Variants in GFI1 observed in about 807,000 individuals in gnomAD.
GFI1 encodes the protein zinc finger protein Gfi-1.
A neutral mutation model predicts 39.2 loss-of-function variants in GFI1; 15 were observed. The ratio of observed to expected loss-of-function variants is 0.38; its 90% CI spans 0.26 to 0.59. The LOEUF (loss-of-function observed/expected upper bound fraction) is 0.59, where lower values mean the gene tolerates loss of function less well. GFI1 is among the 20% of genes least tolerant of loss of function. The probability of loss-of-function intolerance (pLI) is 0.62; values close to 1 mark genes in which losing one functional copy is unlikely to be tolerated. For synonymous variants in GFI1, 239 were observed against 254.3 expected (o/e 0.94, Z 0.57); for missense variants, 475 against 574.0 (o/e 0.83, Z 1.76).
chr1:92,480,447 G>C lies in GFI1; in HGVS notation c.825C>G (p.Arg275=). The C allele has an allele frequency of 1.3e-6, 2 of 1,550,358 alleles. No individual in the cohort carries two copies. Among genetic ancestry groups the C allele is most frequent in the Non-Finnish European group, 1.7e-6 (2 of 1,146,648 alleles). ...AGGGTCTGGTACCGCTGTGGGACCT[G>C]CGCACGTGCACCTCGAGCCCGTGCG... ...STPHGLEVHV[R]RSHSGTRPFA... is the part of the protein sequence containing the mutation. The change falls in exon 5 of 7, where the codon CGC becomes CGG. Residue 275 remains arginine, a synonymous_variant. Transcript: ENST00000294702. The surrounding 1 kb of genome is among the most constrained non-coding windows in gnomAD (Gnocchi z 5.6).
At position 92,476,317 on chromosome 1, in the gene GFI1, G is replaced by A. The variant is rs141171648; in HGVS notation, c.1091-110C>T. The A allele has an allele frequency of 3.5e-3, 3,480 of 1,002,638 alleles. 30 individuals carry two copies. Among genetic ancestry groups the A allele is most frequent in the Middle Eastern group, 0.021 (92 of 4,398 alleles). 62.1% of individuals were successfully genotyped at this position (1,002,638 alleles called of 1,614,324 possible). On this transcript the variant is annotated intron_variant, in intron 6 of 6. Transcript: ENST00000294702. Reference sequence around the variant, plus strand: ...AGCAGCTGGTTGCACCACAGTCTAAGGCCTTCAAGCAACTTGGAGGGTGAC... The same window carrying A: ...AGCAGCTGGTTGCACCACAGTCTAAAGCCTTCAAGCAACTTGGAGGGTGAC...
chr1:92,480,853 C>T lies in GFI1; in HGVS notation c.534G>A (p.Gly178=), dbSNP rs1658207859. 6.9e-7 allele frequency: 1 copy of T among 1,459,072 alleles called. No individual in the cohort carries two copies. The highest frequency in any genetic ancestry group is 9.0e-7 in the Non-Finnish European group (1 of 1,110,802). 90.4% of individuals were successfully genotyped at this position (1,459,072 alleles called of 1,614,324 possible). ...CGCTGCAGCTCCCTGGCGCCCCGGC[C>T]CCCGCGCCGCCGGCAGCCCGCTTCG... ...YGPKRAAGGA[G]AGAPGSCSAG... is the part of the protein sequence containing the mutation. The change falls in exon 4 of 7, where the codon GGG becomes GGA. Residue 178 remains glycine, a synonymous_variant. Coordinates refer to ENST00000294702, the MANE Select transcript of GFI1 (RefSeq NM_005263.5). This position sits in a 1 kb window ranked among gnomAD's most constrained non-coding sequence, Gnocchi z 5.6.
At chr1:92,483,119 TC>T (rs903273845) in intron 2 of GFI1, 73 bp from the exon 3 acceptor site, 2 of 1,365,928 alleles carry the variant, frequency 1.5e-6, no homozygotes. Context: ...GCTCCCCCAA[TC>T]CCCCGACCAG....
At position 92,481,052 on chromosome 1, in the gene GFI1, G is replaced by T. The variant is rs776383728; in HGVS notation, c.335C>A (p.Ala112Asp). 1.2e-6 allele frequency: 2 copies of T among 1,611,818 alleles called. No individual in the cohort carries two copies. The highest frequency in any genetic ancestry group is 1.7e-6 in the Non-Finnish European group (2 of 1,179,022). ...TTTGAAAGGCAGGGGGAAGGGCTGG[G>T]CTTCGTCCAGCGATGGGCACATTGA... ...EKSMCPSLDE[A>D]QPFPLPFKPY... The change falls in exon 4 of 7, where the codon GCC becomes GAC. Residue 112 changes from alanine to aspartate, a missense_variant. Physicochemically the swap from Ala to Asp is moderately radical, Grantham distance 126. Coordinates refer to ENST00000294702, the MANE Select transcript of GFI1 (RefSeq NM_005263.5). The surrounding 1 kb of genome is among the most constrained non-coding windows in gnomAD (Gnocchi z 4.3).
At position 92,480,255 on chromosome 1, in the gene GFI1, A is replaced by C. The variant is rs1335110304; in HGVS notation, c.924+93T>G. On this transcript the variant is annotated intron_variant, in intron 5 of 6. Coordinates refer to ENST00000294702, the MANE Select transcript of GFI1 (RefSeq NM_005263.5). This position sits in a 1 kb window ranked among gnomAD's most constrained non-coding sequence, Gnocchi z 5.6. ...GAGGAAACTGGGGGAAGTCGAGGAG[A>C]AAACTTCCAGGCAGAGAGTGGCTGG... 1 of 1,390,356 alleles carries C rather than the reference A, an allele frequency of 7.2e-7. No individual in the cohort carries two copies. Among genetic ancestry groups the C allele is most frequent in the African/African-American group, 1.4e-5 (1 of 70,164 alleles). 86.1% of individuals were successfully genotyped at this position (1,390,356 alleles called of 1,614,324 possible). A position where few individuals can be genotyped will look rare whatever the true frequency, so the allele number is the denominator to read the frequency against.
rs139390290 is a variant in GFI1 at position 92,483,541 on chromosome 1, C to A, written c.-54G>T. On this transcript the variant is annotated 5_prime_UTR_variant, in exon 2 of 7. Transcript: ENST00000294702. ...CCAAGAGTCCCTGGAGCCGCTGTCA[C>A]CCACGGTCACTCCGAGGGCTTGCTC... 4.9e-3 allele frequency: 4,967 copies of A among 1,014,406 alleles called. 22 individuals are homozygous for A. Among genetic ancestry groups the A allele is most frequent in the Admixed American group, 8.5e-3 (444 of 52,316 alleles). 62.8% of individuals were successfully genotyped at this position (1,014,406 alleles called of 1,614,324 possible).
chr1:92,480,230 G>A lies in GFI1; in HGVS notation c.924+118C>T, dbSNP rs950135901. The stretch of plus-strand genomic sequence containing the variant: ...AGGGGACGCAGCGGAGGGCTTGGGG[G>A]AGGAAACTGGGGGAAGTCGAGGAGA... On this transcript the variant is annotated intron_variant, in intron 5 of 6. Coordinates refer to ENST00000294702, the MANE Select transcript of GFI1 (RefSeq NM_005263.5). The surrounding 1 kb of genome is among the most constrained non-coding windows in gnomAD (Gnocchi z 5.6). The A allele has an allele frequency of 1.1e-4, 124 of 1,160,544 alleles. No individual in the cohort carries two copies. The highest frequency in any genetic ancestry group is 1.4e-4 in the African/African-American group (9 of 65,844). The allele number at this position is 1,160,544 out of a possible 1,614,324, so 71.9% of individuals were successfully genotyped here. A position where few individuals can be genotyped will look rare whatever the true frequency, so the allele number is the denominator to read the frequency against.
chr1:92,474,502 G>A lies in GFI1; in HGVS notation c.*1527C>T, dbSNP rs1657865699. On this transcript the variant is annotated 3_prime_UTR_variant, in exon 7 of 7. Transcript: ENST00000294702. ...CTTACGTGCCTGTGGAACCATCAGGGGCTCTACAAGGTAGTAGCTTAGTTT... is the reference window on the plus strand; with the variant it reads ...CTTACGTGCCTGTGGAACCATCAGGAGCTCTACAAGGTAGTAGCTTAGTTT... Among the ~76,000 whole-genome samples, 1 of 152,096 alleles carries A rather than the reference G, an allele frequency of 6.6e-6. No individual in the cohort carries two copies. Among genetic ancestry groups the A allele is most frequent in the Non-Finnish European group, 1.5e-5 (1 of 68,038 alleles).
intron 6 of GFI1, 29 bp from the exon 7 acceptor site, chr1:92,476,236 AG>A (rs1657969119): frequency 6.3e-7 from 1 of 1,593,496 alleles, no homozygotes; most frequent in African/African-American, 1.3e-5. Context: ...GAGGGGAGAA[AG>A]TATGAGTCTA....
At position 92,480,301 on chromosome 1, in the gene GFI1, G is replaced by A; in HGVS notation, c.924+47C>T. On this transcript the variant is annotated intron_variant, in intron 5 of 6. Transcript: ENST00000294702. This position sits in a 1 kb window ranked among gnomAD's most constrained non-coding sequence, Gnocchi z 5.6. Reference sequence around the variant, plus strand: ...GCTGGTGCTGCACCGAGGAGATGCAGAAGATCCCCGAGCAGGGCCGCGCGC... The same window carrying A: ...GCTGGTGCTGCACCGAGGAGATGCAAAAGATCCCCGAGCAGGGCCGCGCGC... The A allele has an allele frequency of 6.5e-7, 1 of 1,535,530 alleles. No homozygotes were observed. Among genetic ancestry groups the A allele is most frequent in the African/African-American group, 1.4e-5 (1 of 72,966 alleles).
rs1463895728 is a variant in GFI1, at chr1:92,480,881, C to A, written c.506G>T (p.Gly169Val). The A allele has an allele frequency of 7.2e-6, 11 of 1,517,260 alleles. No individual in the cohort carries two copies. The East Asian group carries it at 2.0e-4, about 28-fold the overall frequency. The allele number at this position is 1,517,260 out of a possible 1,614,324, so 94.0% of individuals were successfully genotyped here. Residue 169 changes from glycine to valine, a missense_variant, in exon 4 of 7, where the codon GGC becomes GTC. By Grantham distance (109) the Gly-to-Val change is moderately radical (BLOSUM62 -3). This residue lies in a region of GFI1 where 275 missense variants were observed against 275.8 expected (regional missense o/e 1.00). Coordinates refer to ENST00000294702, the MANE Select transcript of GFI1 (RefSeq NM_005263.5). This position sits in a 1 kb window ranked among gnomAD's most constrained non-coding sequence, Gnocchi z 5.6. Reference sequence around the variant, plus strand: ...CGCGCCGCCGGCAGCCCGCTTCGGGCCGTACAGCGCGGCCGGGTGGCCAGG... The same window carrying A: ...CGCGCCGCCGGCAGCCCGCTTCGGGACGTACAGCGCGGCCGGGTGGCCAGG... Reference protein sequence around the residue: ...PEPGHPAALYGPKRAAGGAGA... With the variant: ...PEPGHPAALYVPKRAAGGAGA...
intron 6 of GFI1, among the ~76,000 whole-genome samples, chr1:92,476,760 A>C (rs796779211): frequency 2.6e-5 from 4 of 151,402 alleles, no homozygotes; most frequent in Admixed American, 1.3e-4. Context: ...TTCTTTCTTT[A>C]TTTCTCTCTC....
Position 92,484,219 on chromosome 1 carries a change from G to A in GFI1, c.-99-633C>T, listed in dbSNP as rs1195553798. Among the ~76,000 whole-genome samples, 1 of 152,202 alleles carries A rather than the reference G, an allele frequency of 6.6e-6. No homozygotes were observed. The highest frequency in any genetic ancestry group is 2.1e-4 in the South Asian group (1 of 4,834). On this transcript the variant is annotated intron_variant, in intron 1 of 6. Coordinates refer to ENST00000294702, the MANE Select transcript of GFI1 (RefSeq NM_005263.5). This position sits in a 1 kb window ranked among gnomAD's most constrained non-coding sequence, Gnocchi z 4.1. Reference sequence around the variant, plus strand: ...GAGAAAGGAGGTGGGAGAGCAAAGGGACAGGAAAGTGAGGGGAACAACAGA... The same window carrying A: ...GAGAAAGGAGGTGGGAGAGCAAAGGAACAGGAAAGTGAGGGGAACAACAGA...
At position 92,476,090 on chromosome 1, in the gene GFI1, T is replaced by C. The variant is rs28936382; in HGVS notation, c.1208A>G (p.Lys403Arg). The change falls in exon 7 of 7, where the codon AAG (lysine) becomes AGG (arginine). Residue 403 changes from lysine to arginine, a missense_variant. By Grantham distance (26) the Lys-to-Arg change is conservative. Around this residue, in one of 4 missense-constraint regions of GFI1, gnomAD observed 112 missense variants for 202.8 expected, o/e 0.55. Coordinates refer to ENST00000294702, the MANE Select transcript of GFI1 (RefSeq NM_005263.5). Reference sequence around the variant, plus strand: ...GAGGTCCACCTTCCTCTGGAAACCCTTCCCACAGAGGTCGCAGCCGAAGGG... The same window carrying C: ...GAGGTCCACCTTCCTCTGGAAACCCCTCCCACAGAGGTCGCAGCCGAAGGG... ...FKPFGCDLCGKGFQRKVDLRR... is the reference protein window; with the variant it reads ...FKPFGCDLCGRGFQRKVDLRR... The C allele has an allele frequency of 5.8e-5, 93 of 1,614,136 alleles. No homozygotes were observed. The Middle Eastern group carries it at 8.2e-4, about 14-fold the overall frequency.
In GFI1 at chr1:92,473,989, G is replaced by A. The variant is rs1657841810; in HGVS notation, c.*2040C>T. On this transcript the variant is annotated 3_prime_UTR_variant, in exon 7 of 7. Coordinates refer to ENST00000294702, the MANE Select transcript of GFI1 (RefSeq NM_005263.5). The stretch of plus-strand genomic sequence containing the variant: ...GTGAAATCAATTTGAGTTGGAAATG[G>A]GCAATCTGCTGGTTCTCACCATGGG... Among the ~76,000 whole-genome samples the A allele has an allele frequency of 6.6e-6, 1 of 152,172 alleles. No individual in the cohort carries two copies. Among genetic ancestry groups the A allele is most frequent in the East Asian group, 1.9e-4 (1 of 5,194 alleles).
rs769076534 is a variant in GFI1 at position 92,483,357 on chromosome 1, C to G, written c.115+16G>C. ...TCCGGGGGAGCAGCCCCGCCTGGCC[C>G]GCGCGCGCCTCGCACCTGCTCGGCT... On this transcript the variant is annotated intron_variant, in intron 2 of 6. Transcript: ENST00000294702. 3.2e-5 allele frequency: 46 copies of G among 1,445,300 alleles called. No homozygotes were observed. Among genetic ancestry groups the G allele is most frequent in the Non-Finnish European group, 4.3e-5 (45 of 1,041,416 alleles). The allele number at this position is 1,445,300 out of a possible 1,614,324, so 89.5% of individuals were successfully genotyped here.
chr1:92,483,857 G>GC, intron 1 of GFI1: 2 of 342,120 alleles, frequency 5.8e-6, no homozygotes, highest in Non-Finnish European at 1.1e-5. Flanking sequence ...CCCTGCCCAC[G>GC]CCCCCCAGCT....
rs1658182679 is a variant in GFI1, at chr1:92,480,596, C to T, written c.786+5G>A. On this transcript the variant is annotated splice_donor_5th_base_variant and intron_variant, in intron 4 of 6. Transcript: ENST00000294702. The surrounding 1 kb of genome is among the most constrained non-coding windows in gnomAD (Gnocchi z 5.6). ...CAGGCGAGGTGGTGAGCTCGGGAGC[C>T]TCACCTTGCTGCACTTGATGCACTT... 1 of 1,548,488 alleles carries T rather than the reference C, an allele frequency of 6.5e-7. No individual in the cohort carries two copies. Among genetic ancestry groups the T allele is most frequent in the African/African-American group, 1.4e-5 (1 of 73,564 alleles).
intron 1 of GFI1, chr1:92,483,906 C>A: frequency 6.0e-6 from 2 of 334,436 alleles, no homozygotes; most frequent in South Asian, 4.9e-5. Context: ...GGCAATCAAA[C>A]TCCCTGGAGA....
Sources: gnomAD v4.1 joint callset for allele counts (sites outside exome capture counted in the v4.1 genomes callset) on GRCh38, gnomAD v4.1.1 for gene constraint, gnomAD v4.1.1 regional missense constraint, Gnocchi (gnomAD v3.1) non-coding constraint, MANE v1.5 for transcripts, NCBI Gene and HGNC (gene_info 2026-07-23, HGNC 2026-07-21) for gene names.